Variants in ROBO1 observed in about 807,000 individuals in gnomAD.
The protein encoded by ROBO1 is roundabout guidance receptor 1.
ROBO1 carries 149 observed loss-of-function variants against 195.9 expected under a neutral mutation model. That is an observed-to-expected ratio of 0.76 (90% CI 0.67 to 0.87). The LOEUF is 0.87. Ranked by LOEUF, ROBO1 falls within the 40% of genes least tolerant of loss-of-function variation. The probability of loss-of-function intolerance (pLI) is 0.00; values close to 1 mark genes in which losing one functional copy is unlikely to be tolerated. For missense variants in ROBO1, 1,933 were observed against 2,068.3 expected, an observed-to-expected ratio of 0.93 and a Z score of 1.27; for synonymous variants, 816 against 733.2, an observed-to-expected ratio of 1.11 and a Z score of -1.82.
chr3:79,006,022 A>T (rs947390979), intron 3 of ROBO1, among the ~76,000 whole-genome samples: 3 of 152,206 alleles, frequency 2.0e-5, no homozygotes, highest in Non-Finnish European at 2.9e-5. Flanking sequence ...TGTAATTCAT[A>T]TGCAACACAG....
intron 1 of ROBO1, among the ~76,000 whole-genome samples, chr3:79,612,538 T>C: frequency 6.6e-6 from 1 of 151,688 alleles, no homozygotes; most frequent in Admixed American, 6.6e-5. Flanking sequence ...CCTTTGGGTA[T>C]ATACCCAGTA....
At chr3:79,709,761 C>T (rs745354597) in intron 1 of ROBO1, among the ~76,000 whole-genome samples, 8 of 152,122 alleles carry the variant, frequency 5.3e-5, no homozygotes, top group Non-Finnish European at 8.8e-5. Context: ...TATTAGGAGC[C>T]TTTGGTGGTA....
chr3:79,635,008 T>C (rs1945456152), intron 1 of ROBO1, among the ~76,000 whole-genome samples: 1 of 152,224 alleles, frequency 6.6e-6, no homozygotes, highest in Admixed American at 6.5e-5. Flanking sequence ...TTAGTCTTCA[T>C]AACAACACTG....
intron 1 of ROBO1, among the ~76,000 whole-genome samples, chr3:79,763,813 C>A (rs896691351): frequency 1.3e-5 from 2 of 152,026 alleles, no homozygotes; most frequent in South Asian, 4.2e-4. Context: ...TGGAGAAATG[C>A]AGATAATGCT....
intron 3 of ROBO1, among the ~76,000 whole-genome samples, chr3:79,017,625 G>C (rs1217433555): frequency 6.6e-6 from 1 of 152,116 alleles, no homozygotes; most frequent in Non-Finnish European, 1.5e-5. Flanking sequence ...CTATTTACAA[G>C]TGTAGATACA....
chr3:79,722,943 C>T (rs1702766074), intron 1 of ROBO1, among the ~76,000 whole-genome samples: 1 of 152,128 alleles, frequency 6.6e-6, no homozygotes, highest in Non-Finnish European at 1.5e-5. Context: ...CTCACAGGTA[C>T]TGCTCAACAG....
intron 2 of ROBO1, among the ~76,000 whole-genome samples, chr3:79,398,150 T>C (rs556415410): frequency 5.1e-4 from 77 of 152,276 alleles, no homozygotes; most frequent in Non-Finnish European, 8.5e-4. Flanking sequence ...ATGTCTGCCC[T>C]GTTCTCTGAT....
chr3:79,099,447 G>T (rs988527006), intron 3 of ROBO1, among the ~76,000 whole-genome samples: 4 of 151,756 alleles, frequency 2.6e-5, no homozygotes, highest in African/African-American at 4.8e-5. Flanking sequence ...AGCAAGTCAG[G>T]TCAAGCCTCA....
intron 2 of ROBO1, among the ~76,000 whole-genome samples, chr3:79,574,722 T>C (rs1211427319): frequency 6.6e-6 from 1 of 151,894 alleles, no homozygotes; most frequent in African/African-American, 2.4e-5. Context: ...ATCAAGTTAG[T>C]ACACTCAGGT....
chr3:79,047,421 C>T (rs975345907), intron 3 of ROBO1, among the ~76,000 whole-genome samples: 2 of 151,932 alleles, frequency 1.3e-5, no homozygotes, highest in African/African-American at 4.8e-5. Context: ...CTACAGATGG[C>T]AAACGATGTT....
chr3:79,646,095 TA>T (rs1156728837), intron 1 of ROBO1, among the ~76,000 whole-genome samples: 1 of 151,966 alleles, frequency 6.6e-6, no homozygotes, highest in African/African-American at 2.4e-5. Flanking sequence ...TATGTCAAGC[TA>T]AAAAGCTTCT....
At chr3:79,607,243 A>C (rs1944517863) in intron 1 of ROBO1, among the ~76,000 whole-genome samples, 1 of 151,460 alleles carries the variant, frequency 6.6e-6, no homozygotes, top group Non-Finnish European at 1.5e-5. Context: ...AATATATTTA[A>C]AATTTCTTCA....
At chr3:78,652,678 A>G (rs941822722) in intron 18 of ROBO1, among the ~76,000 whole-genome samples, 1 of 152,238 alleles carries the variant, frequency 6.6e-6, no homozygotes, top group Non-Finnish European at 1.5e-5. Flanking sequence ...ATAATGTTAA[A>G]TATGTAAAAG....
At chr3:79,284,462 TC>T (rs1202076125) in intron 2 of ROBO1, among the ~76,000 whole-genome samples, 1 of 152,064 alleles carries the variant, frequency 6.6e-6, no homozygotes, top group East Asian at 1.9e-4. Flanking sequence ...TGCATGTGTA[TC>T]CTGGAACTTA....
At chr3:79,459,548 T>C (rs961071121) in intron 2 of ROBO1, among the ~76,000 whole-genome samples, 4 of 151,850 alleles carry the variant, frequency 2.6e-5, no homozygotes, top group Non-Finnish European at 4.4e-5. Flanking sequence ...CAATGACTTA[T>C]TAATTCTCCG....
At chr3:79,281,837 A>G (rs1365530479) in intron 2 of ROBO1, among the ~76,000 whole-genome samples, 1 of 152,222 alleles carries the variant, frequency 6.6e-6, no homozygotes, top group Non-Finnish European at 1.5e-5. Flanking sequence ...AGATGCTTAA[A>G]GTAATATGGC....
intron 5 of ROBO1, among the ~76,000 whole-genome samples, chr3:78,743,035 G>A (rs545112494): frequency 6.6e-6 from 1 of 152,030 alleles, no homozygotes; most frequent in Non-Finnish European, 1.5e-5. Context: ...GATTTTAAAT[G>A]GTGAATGTCA....
chr3:78,601,380 T>C (rs1166735878), intron 29 of ROBO1, among the ~76,000 whole-genome samples: 7 of 152,208 alleles, frequency 4.6e-5, no homozygotes. Context: ...TAGTCTTCCT[T>C]GATAGCGTCT....
intron 2 of ROBO1, among the ~76,000 whole-genome samples, chr3:79,231,324 A>G (rs1269564525): frequency 6.6e-6 from 1 of 152,192 alleles, no homozygotes; most frequent in Non-Finnish European, 1.5e-5. Flanking sequence ...GTACCTGACA[A>G]AAGTCTAATA....
Sources: gnomAD v4.1 joint callset for allele counts (sites outside exome capture counted in the v4.1 genomes callset) on GRCh38, gnomAD v4.1.1 for gene constraint, MANE v1.5 for transcripts, NCBI Gene and HGNC (gene_info 2026-07-23, HGNC 2026-07-21) for gene names.